Variants in GCNT1 observed in about 807,000 individuals in gnomAD.
GCNT1 encodes the protein beta-1,3-galactosyl-O-glycosyl-glycoprotein beta-1,6-N-acetylglucosaminyltransferase.
Under a neutral mutation model 26.2 loss-of-function variants are expected in GCNT1, and 16 were observed. That is an observed-to-expected ratio of 0.61 (90% CI 0.41 to 0.93). The LOEUF (loss-of-function observed/expected upper bound fraction) is 0.93. GCNT1 is among the 40% of genes least tolerant of loss of function. GCNT1 has a pLI of 0.00. For missense variants in GCNT1, 477 were observed against 526.7 expected, an observed-to-expected ratio of 0.91 and a Z score of 0.92; for synonymous variants, 183 against 190.8, an observed-to-expected ratio of 0.96 and a Z score of 0.34.
intron 2 of GCNT1, among the ~76,000 whole-genome samples, chr9:76,493,153 A>T (rs1246712146): frequency 1.3e-5 from 2 of 151,950 alleles, no homozygotes; most frequent in Non-Finnish European, 2.9e-5. Flanking sequence ...CTTTTTCCTA[A>T]TTCTCCTTCA....
chr9:76,464,044 T>G (rs980518570), intron 2 of GCNT1, among the ~76,000 whole-genome samples: 4 of 151,260 alleles, frequency 2.6e-5, no homozygotes, highest in Admixed American at 6.6e-5. Context: ...TTTTGTTTTT[T>G]TTTTTTTTTG....
intron 1 of GCNT1, among the ~76,000 whole-genome samples, chr9:76,421,387 G>A (rs1416661891): frequency 6.6e-6 from 1 of 151,882 alleles, no homozygotes; most frequent in African/African-American, 2.4e-5. Context: ...ATCACACGAG[G>A]TCAGGAGTTT....
upstream of GCNT1, among the ~76,000 whole-genome samples, chr9:76,454,386 G>GAAAAAAAAA (rs71372084): frequency 1.5e-4 from 6 of 39,622 alleles, no homozygotes; most frequent in African/African-American, 2.6e-4. Flanking sequence ...TCTCAGAAAA[G>GAAAAAAAAA]AAAAAAAAAA....
chr9:76,472,616 G>A (rs1340454663), intron 2 of GCNT1, among the ~76,000 whole-genome samples: 1 of 152,168 alleles, frequency 6.6e-6, no homozygotes, highest in Non-Finnish European at 1.5e-5. Flanking sequence ...ATGTAAGTTT[G>A]AGAAATGCTG....
intron 2 of GCNT1, among the ~76,000 whole-genome samples, chr9:76,494,752 C>T (rs1270281636): frequency 6.6e-6 from 1 of 152,080 alleles, no homozygotes; most frequent in Non-Finnish European, 1.5e-5. Context: ...CTTTAGGAGC[C>T]AGGAGGCAAG....
At chr9:76,471,776 G>A (rs988754966) in intron 2 of GCNT1, among the ~76,000 whole-genome samples, 1 of 152,180 alleles carries the variant, frequency 6.6e-6, no homozygotes, top group African/African-American at 2.4e-5. Context: ...TTTGCAGCAT[G>A]TCAGAAGTTA....
At chr9:76,411,043 C>T in the GCNT1 span, among the ~76,000 whole-genome samples, 1 of 152,148 alleles carries the variant, frequency 6.6e-6, no homozygotes, top group Admixed American at 6.5e-5. Context: ...CATGGAATAT[C>T]TTTCTCCATC....
the GCNT1 span, among the ~76,000 whole-genome samples, chr9:76,402,571 G>A: frequency 1.3e-5 from 2 of 152,084 alleles, no homozygotes; most frequent in African/African-American, 2.4e-5. Flanking sequence ...CTGTCCATCC[G>A]TTTGACAATG....
chr9:76,482,068 C>T (rs1471891238), intron 2 of GCNT1, among the ~76,000 whole-genome samples: 1 of 152,146 alleles, frequency 6.6e-6, no homozygotes, highest in African/African-American at 2.4e-5. Context: ...GGGAGGGAAA[C>T]ACCATCTCTG....
chr9:76,404,777 A>G, the GCNT1 span, among the ~76,000 whole-genome samples: 660 of 152,284 alleles, frequency 4.3e-3, 6 homozygotes, highest in African/African-American at 0.015. Flanking sequence ...GTGAGACCCA[A>G]GCAACCCAGA....
At chr9:76,428,329 G>A (rs1168567979) in intron 1 of GCNT1, among the ~76,000 whole-genome samples, 1 of 147,236 alleles carries the variant, frequency 6.8e-6, no homozygotes, top group African/African-American at 2.5e-5. Context: ...AGAAATGTTG[G>A]CTCCTTAAGC....
chr9:76,484,089 G>C (rs1184295757), intron 2 of GCNT1, among the ~76,000 whole-genome samples: 2 of 152,190 alleles, frequency 1.3e-5, no homozygotes, highest in African/African-American at 4.8e-5. Flanking sequence ...CTATCAGAAA[G>C]TAAAACTGAG....
At chr9:76,406,523 G>T in the GCNT1 span, among the ~76,000 whole-genome samples, 10 of 147,204 alleles carry the variant, frequency 6.8e-5, no homozygotes, top group Non-Finnish European at 1.0e-4. Flanking sequence ...AAGAAAGAAA[G>T]AAAAAAGAAA....
At chr9:76,494,215 C>T (rs577438281) in intron 2 of GCNT1, among the ~76,000 whole-genome samples, 13 of 152,260 alleles carry the variant, frequency 8.5e-5, no homozygotes, top group East Asian at 3.9e-4. Flanking sequence ...CCCTTGCTGA[C>T]GCATTCTTGA....
At position 76,502,667 on chromosome 9, in the gene GCNT1, A is replaced by G. The variant is rs1452535539; in HGVS notation, c.286A>G (p.Met96Val). The G allele has an allele frequency of 1.2e-5, 19 of 1,614,102 alleles. No individual in the cohort carries two copies. Among genetic ancestry groups the G allele is most frequent in the Non-Finnish European group, 1.5e-5 (18 of 1,180,034 alleles). ...GTGGACACCTGACGACTATATAAAC[A>G]TGACCAGTGACTGTTCTTCTTTCAT... ...PRWTPDDYINMTSDCSSFIKR... is the reference protein window; with the variant it reads ...PRWTPDDYINVTSDCSSFIKR... The change falls in exon 4 of 4, where the codon ATG (methionine) becomes GTG (valine). Residue 96 changes from methionine (M) to valine (V), a missense_variant. By Grantham distance (21) the Met-to-Val change is conservative (BLOSUM62 1). Transcript: ENST00000376730.
chr9:76,432,706 G>T (rs889157985), intron 1 of GCNT1, among the ~76,000 whole-genome samples: 1 of 152,122 alleles, frequency 6.6e-6, no homozygotes, highest in African/African-American at 2.4e-5. Flanking sequence ...GGCAGATGGG[G>T]TGGATCCCTG....
chr9:76,481,147 A>C (rs963745627), intron 2 of GCNT1, among the ~76,000 whole-genome samples: 1 of 152,176 alleles, frequency 6.6e-6, no homozygotes, highest in Non-Finnish European at 1.5e-5. Flanking sequence ...CTGAGGTTGC[A>C]GTAAGCTGGG....
intron 1 of GCNT1, among the ~76,000 whole-genome samples, chr9:76,444,928 A>T (rs74764674): frequency 0.016 from 2,443 of 152,288 alleles, 69 homozygotes; most frequent in African/African-American, 0.055. Context: ...ACACCTGTTC[A>T]TTTACGTGCT....
At chr9:76,483,954 G>A (rs147549672) in intron 2 of GCNT1, among the ~76,000 whole-genome samples, 6 of 152,136 alleles carry the variant, frequency 3.9e-5, no homozygotes, top group African/African-American at 9.7e-5. Flanking sequence ...AGCTGGGATC[G>A]TAAGTGTGTG....
Sources: gnomAD v4.1 joint callset for allele counts (sites outside exome capture counted in the v4.1 genomes callset) on GRCh38, gnomAD v4.1.1 for gene constraint, MANE v1.5 for transcripts, NCBI Gene and HGNC (gene_info 2026-07-23, HGNC 2026-07-21) for gene names.